The following SV2C variants were observed in gnomAD, a reference collection of about 807,000 sequenced individuals.
The protein encoded by SV2C is synaptic vesicle glycoprotein 2C, also known as solute carrier family 22 member B3.
In SV2C, 49 loss-of-function variants were observed where a neutral mutation model predicts 79.7. That is an observed-to-expected ratio of 0.61 (90% CI 0.49 to 0.78). The LOEUF (loss-of-function observed/expected upper bound fraction) is 0.78. Ranked by LOEUF, SV2C falls within the 30% of genes least tolerant of loss-of-function variation. The pLI is 0.00. For synonymous variants in SV2C, 334 were observed against 333.2 expected (o/e 1.00, Z -0.03); for missense variants, 833 against 912.9 (o/e 0.91, Z 1.13).
At chr5:76,224,312 C>T (rs1165001033) in intron 4 of SV2C, among the ~76,000 whole-genome samples, 1 of 152,152 alleles carries the variant, frequency 6.6e-6, no homozygotes, top group African/African-American at 2.4e-5. Context: ...CGCCCCATCT[C>T]ATTTTCCTGC....
At chr5:75,895,757 T>G in the SV2C span, among the ~76,000 whole-genome samples, 1 of 152,076 alleles carries the variant, frequency 6.6e-6, no homozygotes, top group African/African-American at 2.4e-5. Flanking sequence ...GATGTGAGAG[T>G]AGAGAAGGTG....
intron 4 of SV2C, among the ~76,000 whole-genome samples, chr5:76,254,240 GTATA>G (rs67420685): frequency 2.6e-4 from 17 of 65,382 alleles, no homozygotes; most frequent in South Asian, 1.5e-3. Context: ...ATGTGTGTGT[GTATA>G]TATATATATA....
the SV2C span, among the ~76,000 whole-genome samples, chr5:75,955,738 C>T: frequency 5.4e-5 from 8 of 149,428 alleles, no homozygotes; most frequent in Admixed American, 5.3e-4. Flanking sequence ...GGGTGAAAGA[C>T]ATGAACAGAC....
At chr5:76,276,713 C>T (rs1747033682) in intron 4 of SV2C, among the ~76,000 whole-genome samples, 1 of 150,012 alleles carries the variant, frequency 6.7e-6, no homozygotes, top group African/African-American at 2.5e-5. Context: ...ACCACCACAA[C>T]TAGCTTTTTT....
intron 6 of SV2C, among the ~76,000 whole-genome samples, chr5:76,286,327 C>T (rs1054361200): frequency 1.4e-4 from 22 of 152,056 alleles, no homozygotes; most frequent in African/African-American, 5.3e-4. Flanking sequence ...CCAGGCTGTG[C>T]AGGGCCATTT....
chr5:76,048,788 G>A, the SV2C span, among the ~76,000 whole-genome samples: 12 of 137,690 alleles, frequency 8.7e-5, no homozygotes, highest in African/African-American at 3.4e-4. Flanking sequence ...TCAACCTGAT[G>A]AACCTTTTTC....
chr5:76,009,986 ATTTTGTTTTTTT>A, the SV2C span, among the ~76,000 whole-genome samples: 1 of 100,008 alleles, frequency 1.0e-5, no homozygotes, highest in African/African-American at 3.9e-5. Context: ...TTACTTATCT[ATTTTGTTTTTTT>A]TTTTTTTTTT....
At chr5:76,177,265 G>C (rs544111543) in intron 2 of SV2C, among the ~76,000 whole-genome samples, 6 of 149,924 alleles carry the variant, frequency 4.0e-5, no homozygotes, top group African/African-American at 1.5e-4. Context: ...ATTTCTTATA[G>C]TCTGGGTATC....
chr5:76,210,148 AC>A, intron 4 of SV2C, among the ~76,000 whole-genome samples: 1 of 152,358 alleles, frequency 6.6e-6, no homozygotes, highest in South Asian at 2.1e-4. Flanking sequence ...ATTTCTGGTC[AC>A]CAAAATGTGT....
At chr5:76,044,659 C>T in the SV2C span, among the ~76,000 whole-genome samples, 1 of 152,144 alleles carries the variant, frequency 6.6e-6, no homozygotes, top group Non-Finnish European at 1.5e-5. Context: ...CTCTAATAAT[C>T]AGTGATGTTG....
intron 6 of SV2C, among the ~76,000 whole-genome samples, chr5:76,287,846 G>A (rs1331518550): frequency 2.0e-5 from 3 of 152,170 alleles, no homozygotes; most frequent in African/African-American, 7.2e-5. Flanking sequence ...CAGCACTTTG[G>A]GAGGCTGAGG....
In SV2C at chr5:76,327,040, T is replaced by A. The variant is rs1031350085; in HGVS notation, c.*1493T>A. On this transcript the variant is annotated 3_prime_UTR_variant, in exon 13 of 13. Coordinates refer to ENST00000502798, the MANE Select transcript of SV2C (RefSeq NM_014979.4). ...TATTCTTGTTACTTATTATAGGCAT[T>A]TTCAGGCAAGCCATAGCTTGGGGCC... The A allele has an allele frequency of 6.6e-6, 1 of 152,174 alleles. No individual in the cohort carries two copies. 9.4% of individuals were successfully genotyped at this position (152,174 alleles called of 1,614,324 possible).
intron 4 of SV2C, among the ~76,000 whole-genome samples, chr5:76,268,962 G>A (rs78075384): frequency 0.012 from 1,782 of 152,246 alleles, 15 homozygotes; most frequent in Admixed American, 0.019. Context: ...CCTAAAAGTC[G>A]GTTTTCACAC....
At chr5:76,112,970 C>T (rs1016234679) in intron 1 of SV2C, among the ~76,000 whole-genome samples, 1 of 152,174 alleles carries the variant, frequency 6.6e-6, no homozygotes, top group African/African-American at 2.4e-5. Flanking sequence ...GGTGGAGTTA[C>T]AGTACTGGCC....
chr5:76,247,338 G>GT (rs1745975908), intron 4 of SV2C, among the ~76,000 whole-genome samples: 4 of 152,186 alleles, frequency 2.6e-5, no homozygotes, highest in Admixed American at 1.3e-4. Context: ...ATGCTTTCCC[G>GT]TGGCCATATG....
chr5:75,966,147 T>C, the SV2C span, among the ~76,000 whole-genome samples: 2 of 152,318 alleles, frequency 1.3e-5, no homozygotes, highest in South Asian at 4.1e-4. Flanking sequence ...AAGGAAACTT[T>C]TCTAGTCTAT....
At chr5:76,336,542 G>A (rs886115915), downstream of SV2C, among the ~76,000 whole-genome samples, 10 of 152,276 alleles carry the variant, frequency 6.6e-5, no homozygotes, top group Middle Eastern at 0.014. Context: ...CAAGGCAGGC[G>A]GCTGGGAGGT....
chr5:75,972,819 A>C, the SV2C span, among the ~76,000 whole-genome samples: 1 of 152,114 alleles, frequency 6.6e-6, no homozygotes, highest in African/African-American at 2.4e-5. Context: ...CAGCCATCCC[A>C]TTACTGGGTA....
intron 4 of SV2C, among the ~76,000 whole-genome samples, chr5:76,232,940 A>G (rs1745474551): frequency 7.0e-6 from 1 of 142,322 alleles, no homozygotes; most frequent in African/African-American, 3.1e-5. Context: ...TTGGTTCCAT[A>G]TGAACTTTCA....
Sources: gnomAD v4.1 joint callset for allele counts (sites outside exome capture counted in the v4.1 genomes callset) on GRCh38, gnomAD v4.1.1 for gene constraint, MANE v1.5 for transcripts, NCBI Gene and HGNC (gene_info 2026-07-23, HGNC 2026-07-21) for gene names.